Variants in AHNAK observed in about 807,000 individuals in gnomAD.
The protein encoded by AHNAK is neuroblast differentiation-associated protein AHNAK.
A neutral mutation model predicts 37.8 loss-of-function variants in AHNAK; 23 were observed. The observed-to-expected ratio is 0.61, with a 90% CI of 0.44 to 0.86. The LOEUF is 0.86. AHNAK is among the 40% of genes least tolerant of loss of function. The pLI, the probability that AHNAK is intolerant of heterozygous loss-of-function variation, is 0.00. For missense variants in AHNAK, 7,411 were observed against 7,319.4 expected (o/e 1.01, Z -0.46); for synonymous variants, 2,481 against 2,636.3 (o/e 0.94, Z 1.80).
intron 4 of AHNAK, among the ~76,000 whole-genome samples, chr11:62,509,833 G>A (rs559605926): frequency 3.3e-5 from 5 of 151,904 alleles, no homozygotes; most frequent in African/African-American, 4.8e-5. Flanking sequence ...CAGGAGAATC[G>A]CCTGAACCTA....
In AHNAK at chr11:62,516,714, T is replaced by C; in HGVS notation, c.*30A>G. ...CCCAAGGCTGATGTTTTGTTATATATATATATATGTACACACATACAAAGG... is the reference window on the plus strand; with the variant it reads ...CCCAAGGCTGATGTTTTGTTATATACATATATATGTACACACATACAAAGG... On this transcript the variant is annotated 3_prime_UTR_variant, in exon 5 of 5. Transcript: ENST00000378024. 6.4e-7 allele frequency: 1 copy of C among 1,560,298 alleles called. No individual in the cohort carries two copies. The highest frequency in any genetic ancestry group is 8.6e-7 in the Non-Finnish European group (1 of 1,159,716).
At chr11:62,465,951 G>T (rs1333023220) in intron 5 of AHNAK, among the ~76,000 whole-genome samples, 2 of 152,174 alleles carry the variant, frequency 1.3e-5, no homozygotes, top group African/African-American at 4.8e-5. Flanking sequence ...AGAACAATAA[G>T]TGGCTGTTGT....
intron 1 of AHNAK, chr11:62,545,936 C>T (rs753127366): frequency 1.3e-5 from 2 of 152,280 alleles, no homozygotes; most frequent in East Asian, 1.9e-4. Flanking sequence ...AGCGCACCCC[C>T]CTCCTCGCCC....
chr11:62,536,328 G>A (rs1037894631), intron 2 of AHNAK, 141 bp downstream of exon 2: 14 of 459,428 alleles, frequency 3.0e-5, no homozygotes, highest in African/African-American at 2.9e-4. Flanking sequence ...AAGATGGAAA[G>A]GAGACAGCAG....
At chr11:62,534,161 G>A in intron 4 of AHNAK, 87 bp from the exon 5 acceptor site, 2 of 1,390,940 alleles carry the variant, frequency 1.4e-6, no homozygotes, top group South Asian at 2.9e-5. Context: ...ACAACACGTT[G>A]CCTGTTTCCC....
intron 5 of AHNAK, among the ~76,000 whole-genome samples, chr11:62,460,568 T>C (rs1295293251): frequency 6.6e-6 from 1 of 152,198 alleles, no homozygotes; most frequent in East Asian, 1.9e-4. Flanking sequence ...AAATAATTGA[T>C]TAAAATTTTT....
Position 62,521,975 on chromosome 11 carries a change from C to T in AHNAK, c.12442G>A (p.Asp4148Asn). ...LKGPKMKGDVDVSLPKVEGDL... is the reference protein window; with the variant it reads ...LKGPKMKGDVNVSLPKVEGDL... ...CCTTCCACTTTGGGCAGAGAAACGT[C>T]CACGTCGCCCTTCATCTTTGGACCT... The change falls in exon 5 of 5, where the codon GAC becomes AAC. Residue 4148 changes from aspartate (D) to asparagine (N), a missense_variant. Transcript: ENST00000378024. 1 of 1,613,300 alleles carries T rather than the reference C, an allele frequency of 6.2e-7. No homozygotes were observed. The highest frequency in any genetic ancestry group is 8.5e-7 in the Non-Finnish European group (1 of 1,179,860).
chr11:62,526,283 T>C lies in AHNAK; in HGVS notation c.8134A>G (p.Ile2712Val). ...IKAPKISMPDIDLNLKGPKVK... is the reference protein window; with the variant it reads ...IKAPKISMPDVDLNLKGPKVK... ...TTGGGTCCTTTCAGGTTTAAGTCAATATCAGGCATGGAGATCTTGGGGGCT... is the reference window on the plus strand; with the variant it reads ...TTGGGTCCTTTCAGGTTTAAGTCAACATCAGGCATGGAGATCTTGGGGGCT... The change falls in exon 5 of 5, where the codon ATT becomes GTT. Residue 2712 changes from isoleucine (I) to valine (V), a missense_variant. By Grantham distance (29) the Ile-to-Val change is conservative (BLOSUM62 3). Transcript: ENST00000378024. 1 of 1,613,134 alleles carries C rather than the reference T, an allele frequency of 6.2e-7. No homozygotes were observed. The highest frequency in any genetic ancestry group is 8.5e-7 in the Non-Finnish European group (1 of 1,179,774).
At chr11:62,537,788 T>C (rs1270125371) in intron 1 of AHNAK, among the ~76,000 whole-genome samples, 1 of 151,740 alleles carries the variant, frequency 6.6e-6, no homozygotes, top group Admixed American at 6.6e-5. Context: ...GTTCAAGCAA[T>C]TCTCCTGCCT....
Position 62,516,081 on chromosome 11 carries a change from A to G in AHNAK, c.*663T>C. The G allele has an allele frequency of 8.2e-7, 1 of 1,221,854 alleles. No individual in the cohort carries two copies. The highest frequency in any genetic ancestry group is 1.0e-6 in the Non-Finnish European group (1 of 953,528). 75.7% of individuals were successfully genotyped at this position (1,221,854 alleles called of 1,614,324 possible). A position where few individuals can be genotyped will look rare whatever the true frequency, so the allele number is the denominator to read the frequency against. ...GAAACAGTTCCCTTACAAAACACAG[A>G]AAATGGAAGCCCCTCATGTTGAGGG... On this transcript the variant is annotated 3_prime_UTR_variant, in exon 5 of 5. Transcript: ENST00000378024.
chr11:62,468,114 G>A (rs1023705908), intron 5 of AHNAK, among the ~76,000 whole-genome samples: 2 of 152,082 alleles, frequency 1.3e-5, no homozygotes, highest in South Asian at 2.1e-4. Context: ...TTGGGAGGCC[G>A]AAATGGGCGT....
rs148663483 is a variant in AHNAK at position 62,525,508 on chromosome 11, A to C, written c.8909T>G (p.Leu2970Trp). 2,583 of 1,613,464 alleles carry C rather than the reference A, an allele frequency of 1.6e-3. 43 individuals are homozygous for C. In the African/African-American group the frequency reaches 0.031, roughly 19 times the overall value. The change falls in exon 5 of 5, where the codon TTG becomes TGG. Residue 2970 changes from leucine to tryptophan, a missense_variant. By Grantham distance (61) the Leu-to-Trp change is moderately conservative (BLOSUM62 -2). Coordinates refer to ENST00000378024, the MANE Select transcript of AHNAK (RefSeq NM_001620.3). ...APKIPMPDFD[L>W]HLKGPKVKGD... ...CTTCACCTTGGGACCTTTCAGATGC[A>C]AATCAAAGTCAGGCATGGGGATCTT... is the stretch of plus-strand genomic sequence containing the variant.
intron 5 of AHNAK, among the ~76,000 whole-genome samples, chr11:62,478,961 C>T (rs1441089396): frequency 2.6e-5 from 4 of 151,964 alleles, no homozygotes; most frequent in South Asian, 2.1e-4. Flanking sequence ...CTACAACCTC[C>T]GCCTCCTGGA....
chr11:62,534,212 G>A (rs2134247291), intron 4 of AHNAK, 138 bp from the exon 5 acceptor site: 1 of 800,390 alleles, frequency 1.2e-6, no homozygotes, highest in East Asian at 2.7e-5. Flanking sequence ...GGAGCCTCCT[G>A]GGGCACAGCA....
chr11:62,462,381 A>G (rs1013962825), intron 5 of AHNAK, among the ~76,000 whole-genome samples: 8 of 152,208 alleles, frequency 5.3e-5, no homozygotes, highest in Admixed American at 3.3e-4. Flanking sequence ...AAGCTACAGA[A>G]CTGGAAACTA....
chr11:62,524,265 T>C lies in AHNAK; in HGVS notation c.10152A>G (p.Lys3384=). 1 of 1,613,822 alleles carries C rather than the reference T, an allele frequency of 6.2e-7. No homozygotes were observed. Among genetic ancestry groups the C allele is most frequent in the Non-Finnish European group, 8.5e-7 (1 of 1,179,924 alleles). The change falls in exon 5 of 5, where the codon AAA becomes AAG. Residue 3384 remains lysine, a synonymous_variant. Coordinates refer to ENST00000378024, the MANE Select transcript of AHNAK (RefSeq NM_001620.3). ...CGACATCAGGAGCATTAATATCAACTTTTGGACCTGTTATGTCAATATCTG... is the reference window on the plus strand; with the variant it reads ...CGACATCAGGAGCATTAATATCAACCTTTGGACCTGTTATGTCAATATCTG... ...KKPDIDITGP[K]VDINAPDVEV... is the part of the protein sequence containing the mutation.
chr11:62,544,155 G>A (rs899690372), intron 1 of AHNAK, among the ~76,000 whole-genome samples: 2 of 152,108 alleles, frequency 1.3e-5, no homozygotes, highest in Non-Finnish European at 2.9e-5. Context: ...AATCCAGCCT[G>A]GCAGCACCGC....
chr11:62,467,733 C>T (rs1315008717), intron 5 of AHNAK, among the ~76,000 whole-genome samples: 2 of 152,070 alleles, frequency 1.3e-5, no homozygotes, highest in Non-Finnish European at 2.9e-5. Flanking sequence ...CTTTTGACAC[C>T]AAGGAAATCA....
At chr11:62,482,496 A>G (rs1263679078) in intron 5 of AHNAK, among the ~76,000 whole-genome samples, 3 of 152,094 alleles carry the variant, frequency 2.0e-5, no homozygotes, top group Non-Finnish European at 2.9e-5. Context: ...CGTTCTCTCA[A>G]TGACTTTGGG....
Sources: allele counts gnomAD v4.1 joint callset (sites outside exome capture counted in the v4.1 genomes callset), GRCh38; gene constraint gnomAD v4.1.1; transcripts MANE v1.5; gene names NCBI Gene and HGNC (gene_info 2026-07-23, HGNC 2026-07-21).